COG1: variants seen among roughly 807,000 people sequenced by gnomAD.
The protein encoded by COG1 is component of oligomeric golgi complex 1.
Under a neutral mutation model 102.2 loss-of-function variants are expected in COG1, and 61 were observed. The ratio of observed to expected loss-of-function variants is 0.60; its 90% CI spans 0.49 to 0.74. The LOEUF (loss-of-function observed/expected upper bound fraction) is 0.74. Among genes scored for constraint, COG1 ranks in the 30% least tolerant of loss-of-function variants. COG1 has a pLI of 0.00. For missense variants in COG1, 1,164 were observed against 1,232.1 expected (o/e 0.94, Z 0.83); for synonymous variants, 454 against 493.6 (o/e 0.92, Z 1.06).
chr17:73,193,494 C>T (rs918838856), intron 1 of COG1, 110 bp downstream of exon 1: 1 of 1,131,638 alleles, frequency 8.8e-7, no homozygotes, highest in Non-Finnish European at 1.2e-6. Flanking sequence ...GAGTCCTCAC[C>T]TTCCTTAGCC....
At position 73,206,801 on chromosome 17, in the gene COG1, G is replaced by A. The variant is rs772098767; in HGVS notation, c.2713G>A (p.Ala905Thr). Residue 905 changes from alanine to threonine, a missense_variant, in exon 12 of 14, where the codon GCA becomes ACA. Transcript: ENST00000299886. ...SQEPHNILPL[A>T]SSQIRFGLLP... ...AGAACCCCATAACATCCTGCCACTG[G>A]CATCCAGTCAGATCAGGTAAAGGCT... 1 of 1,613,494 alleles carries A rather than the reference G, an allele frequency of 6.2e-7. No individual in the cohort carries two copies. The highest frequency in any genetic ancestry group is 1.7e-5 in the Admixed American group (1 of 59,972).
rs374792279 is a variant in COG1 at position 73,196,751 on chromosome 17, G to T, written c.560G>T (p.Arg187Leu). Reference protein sequence around the residue: ...IRQVAAASHFRSTILHESKML... With the variant: ...IRQVAAASHFLSTILHESKML... Reference sequence around the variant, plus strand: ...CAGGTGGCAGCCGCCAGCCACTTCCGGTAAGTGGATCCAGCGCAAAGAGCT... The same window carrying T: ...CAGGTGGCAGCCGCCAGCCACTTCCTGTAAGTGGATCCAGCGCAAAGAGCT... The change falls in exon 2 of 14, where the codon CGG (arginine) becomes CTG (leucine). Residue 187 changes from arginine to leucine, a missense_variant and splice_region_variant. Arg to Leu is a moderately radical substitution (Grantham distance 102). Transcript: ENST00000299886. 3.1e-6 allele frequency: 5 copies of T among 1,614,100 alleles called. No individual in the cohort carries two copies. The South Asian group carries it at 4.4e-5, about 14-fold the overall frequency.
intron 13 of COG1, chr17:73,207,565 A>G (rs1659022332): frequency 4.3e-6 from 3 of 699,404 alleles, no homozygotes; most frequent in Non-Finnish European, 6.8e-6. Context: ...CGGCACTATC[A>G]TTGTACTTGT....
Position 73,205,689 on chromosome 17 carries a change from T to C in COG1, c.2510+9T>C. 6.2e-7 allele frequency: 1 copy of C among 1,613,384 alleles called. No individual in the cohort carries two copies. The highest frequency in any genetic ancestry group is 8.5e-7 in the Non-Finnish European group (1 of 1,179,988). The stretch of plus-strand genomic sequence containing the variant: ...AGCAAGCCAGACTCCAGGTGTCGTA[T>C]CCTCTAGGGAGCTATGTCAAGGCGG... On this transcript the variant is annotated intron_variant, in intron 10 of 13. Coordinates refer to ENST00000299886, the MANE Select transcript of COG1 (RefSeq NM_018714.3).
intron 7 of COG1, among the ~76,000 whole-genome samples, chr17:73,202,413 G>A (rs1315903861): frequency 2.0e-5 from 3 of 152,204 alleles, no homozygotes; most frequent in Non-Finnish European, 4.4e-5. Context: ...TGCATCAGAT[G>A]AGAATGAAAG....
rs1392432441 is a variant in COG1 at position 73,200,001 on chromosome 17, G to T, written c.1050G>T (p.Thr350=). 6.2e-7 allele frequency: 1 copy of T among 1,613,196 alleles called. No individual in the cohort carries two copies. Among genetic ancestry groups the T allele is most frequent in the Non-Finnish European group, 8.5e-7 (1 of 1,179,620 alleles). ...TCAGTCAGGAATACCTGAAAGACAC[G>T]CTGCAGAAATGGATCCACATGTAAG... The part of the protein sequence containing the change: ...HPISQEYLKD[T]LQKWIHMCNE... The change falls in exon 5 of 14, where the codon ACG becomes ACT. Residue 350 remains threonine (T), a synonymous_variant. Coordinates refer to ENST00000299886, the MANE Select transcript of COG1 (RefSeq NM_018714.3).
Position 73,196,701 on chromosome 17 carries a change from C to T in COG1, c.510C>T (p.Leu170=), listed in dbSNP as rs765897232. The change falls in exon 2 of 14, where the codon CTC becomes CTT. Residue 170 remains leucine (L), a synonymous_variant. Transcript: ENST00000299886. ...CTAGTTCCCGATACAGTCCCGTCCT[C>T]TCCCGGTTTCCTATACTCATCCGGC... ...DSSSSRYSPV[L]SRFPILIRQV... 9 of 1,614,080 alleles carry T rather than the reference C, an allele frequency of 5.6e-6. No homozygotes were observed. Among genetic ancestry groups the T allele is most frequent in the Non-Finnish European group, 7.6e-6 (9 of 1,180,046 alleles).
At chr17:73,205,962 G>A in intron 10 of COG1, 192 bp from the exon 11 acceptor site, 2 of 681,316 alleles carry the variant, frequency 2.9e-6, no homozygotes, top group South Asian at 1.7e-5. Flanking sequence ...AGACAGAACG[G>A]GGGAAAGGGT....
chr17:73,204,826 G>A (rs531268997), intron 9 of COG1, among the ~76,000 whole-genome samples: 6 of 152,240 alleles, frequency 3.9e-5, no homozygotes, highest in Non-Finnish European at 7.4e-5. Context: ...CAAAGTGCTG[G>A]GACTATGGGC....
At chr17:73,202,463 T>C (rs1294114137) in intron 7 of COG1, among the ~76,000 whole-genome samples, 1 of 151,936 alleles carries the variant, frequency 6.6e-6, no homozygotes, top group East Asian at 1.9e-4. Context: ...CTAAATATCA[T>C]ATTCCCAGTA....
At chr17:73,205,163 A>AAAACAAAC (rs147604318) in intron 9 of COG1, 3 of 282,948 alleles carry the variant, frequency 1.1e-5, no homozygotes, top group South Asian at 3.4e-5. Flanking sequence ...ACTCTATCTC[A>AAAACAAAC]AAACAAACAA....
At position 73,196,993 on chromosome 17, in the gene COG1, A is replaced by G. The variant is rs185655840; in HGVS notation, c.654A>G (p.Leu218=). The G allele has an allele frequency of 6.2e-7, 1 of 1,614,216 alleles. No individual in the cohort carries two copies. Among genetic ancestry groups the G allele is most frequent in the Non-Finnish European group, 8.5e-7 (1 of 1,180,040 alleles). ...VAEALCSIML[L]EESSPRQALT... ...AGGCCCTGTGCTCTATAATGCTCTT[A>G]GAAGAGAGTTCTCCTCGCCAAGCCC... Residue 218 remains leucine, a synonymous_variant, in exon 3 of 14, where the codon TTA becomes TTG. Coordinates refer to ENST00000299886, the MANE Select transcript of COG1 (RefSeq NM_018714.3).
intron 9 of COG1, among the ~76,000 whole-genome samples, chr17:73,204,702 A>G (rs952212716): frequency 6.6e-6 from 1 of 151,920 alleles, no homozygotes; most frequent in Non-Finnish European, 1.5e-5. Context: ...TGGGACCACA[A>G]GGCATGCGCC....
rs1393273337 is a variant in COG1, at chr17:73,193,169, G to A, written c.100G>A (p.Glu34Lys). 13 of 1,608,202 alleles carry A rather than the reference G, an allele frequency of 8.1e-6. No homozygotes were observed. The highest frequency in any genetic ancestry group is 1.0e-5 in the Non-Finnish European group (12 of 1,178,000). ...TGGAGCGGAGGAGATCCGCGGGCTG[G>A]AGCGCCAGGTTCGGGCCGAGATCGA... ...THGAEEIRGL[E>K]RQVRAEIEHK... The change falls in exon 1 of 14, where the codon GAG becomes AAG. Residue 34 changes from glutamate to lysine, a missense_variant. Physicochemically the swap from Glu to Lys is moderately conservative, Grantham distance 56. Coordinates refer to ENST00000299886, the MANE Select transcript of COG1 (RefSeq NM_018714.3).
Position 73,206,242 on chromosome 17 carries a change from C to T in COG1, c.2599C>T (p.Arg867Cys), listed in dbSNP as rs750297918. The change falls in exon 11 of 14, where the codon CGC becomes TGC. Residue 867 changes from arginine (R) to cysteine (C), a missense_variant. Transcript: ENST00000299886. ...FTPHLNSNLH[R>C]LVQRTSVLFG... The stretch of plus-strand genomic sequence containing the variant: ...GCCACACCTCAACAGCAACCTTCAT[C>T]GCCTGGTGCAGCGAACTTCTGTGAG... The T allele has an allele frequency of 1.6e-5, 26 of 1,613,898 alleles. No individual in the cohort carries two copies. The highest frequency in any genetic ancestry group is 6.6e-5 in the South Asian group (6 of 91,088).
At position 73,197,264 on chromosome 17, in the gene COG1, T is replaced by C. The variant is rs1462317407; in HGVS notation, c.781T>C (p.Leu261=). The C allele has an allele frequency of 1.9e-6, 3 of 1,614,170 alleles. No individual in the cohort carries two copies. The Admixed American group carries it at 5.0e-5, about 27-fold the overall frequency. ...GGCTCAGATTTGCTCATTAGTGGAG[T>C]TGCTGGCCACCACTCTGAAGCAAGC... is the stretch of plus-strand genomic sequence containing the variant. ...IKAQICSLVE[L]LATTLKQAHA... is the part of the protein sequence containing the mutation. Residue 261 remains leucine, a synonymous_variant, in exon 4 of 14, where the codon TTG becomes CTG. Transcript: ENST00000299886.
At chr17:73,194,776 T>C (rs749483103) in intron 1 of COG1, among the ~76,000 whole-genome samples, 8 of 152,126 alleles carry the variant, frequency 5.3e-5, no homozygotes, top group Non-Finnish European at 2.9e-5. Context: ...CCTTAAAGAA[T>C]ATAGACCTAG....
Position 73,203,783 on chromosome 17 carries a change from A to G in COG1, c.2372A>G (p.Lys791Arg). The G allele has an allele frequency of 6.2e-7, 1 of 1,614,210 alleles. No individual in the cohort carries two copies. Among genetic ancestry groups the G allele is most frequent in the Non-Finnish European group, 8.5e-7 (1 of 1,180,024 alleles). Residue 791 changes from lysine (K) to arginine (R), a missense_variant, in exon 9 of 14, where the codon AAA becomes AGA. Lys to Arg is a conservative substitution (Grantham distance 26). Coordinates refer to ENST00000299886, the MANE Select transcript of COG1 (RefSeq NM_018714.3). Reference protein sequence around the residue: ...VAAYEKLSEEKQIKKEGAFPV... With the variant: ...VAAYEKLSEERQIKKEGAFPV... ...GCCTATGAGAAACTCTCCGAAGAAAAACAGATTAAGGTAGGTGTCTGAATG... is the reference window on the plus strand; with the variant it reads ...GCCTATGAGAAACTCTCCGAAGAAAGACAGATTAAGGTAGGTGTCTGAATG...
Position 73,196,721 on chromosome 17 carries a change from T to A in COG1, c.530T>A (p.Ile177Asn), listed in dbSNP as rs1054076146. The A allele has an allele frequency of 6.2e-7, 1 of 1,613,884 alleles. No individual in the cohort carries two copies. Among genetic ancestry groups the A allele is most frequent in the Non-Finnish European group, 8.5e-7 (1 of 1,180,018 alleles). ...SPVLSRFPIL[I>N]RQVAAASHFR... ...GTCCTCTCCCGGTTTCCTATACTCA[T>A]CCGGCAGGTGGCAGCCGCCAGCCAC... is the stretch of plus-strand genomic sequence containing the variant. Residue 177 changes from isoleucine to asparagine, a missense_variant, in exon 2 of 14, where the codon ATC (isoleucine) becomes AAC (asparagine). Transcript: ENST00000299886.
Sources: gnomAD v4.1 joint callset for allele counts (sites outside exome capture counted in the v4.1 genomes callset) on GRCh38, gnomAD v4.1.1 for gene constraint, MANE v1.5 for transcripts, NCBI Gene and HGNC (gene_info 2026-07-23, HGNC 2026-07-21) for gene names.